The following POLQ variants were observed in gnomAD, a reference collection of about 807,000 sequenced individuals.
The protein encoded by POLQ is DNA polymerase theta.
In POLQ, 233 loss-of-function variants were observed where a neutral mutation model predicts 259.2. The observed-to-expected ratio is 0.90, with a 90% confidence interval of 0.81 to 1.00. POLQ has a LOEUF of 1.00. Ranked by LOEUF, POLQ falls within the 50% of genes least tolerant of loss-of-function variation. The pLI is 0.00. For synonymous variants in POLQ, 1,025 were observed against 1,048.8 expected, an observed-to-expected ratio of 0.98 and a Z score of 0.44; for missense variants, 2,871 against 3,051.6, an observed-to-expected ratio of 0.94 and a Z score of 1.39.
chr3:121,493,754 A>T, intron 14 of POLQ, 33 bp from the exon 15 acceptor site: 1 of 1,567,894 alleles, frequency 6.4e-7, no homozygotes, highest in Non-Finnish European at 8.7e-7. Context: ...GTTGAATTCA[A>T]TTTTTTTTAC....
chr3:121,544,975 A>T, intron 1 of POLQ, 69 bp from the exon 2 acceptor site: 2 of 951,812 alleles, frequency 2.1e-6, no homozygotes, highest in African/African-American at 1.7e-5. Flanking sequence ...TTAGCCCTTC[A>T]CCGTGTGTTG....
At chr3:121,485,379 T>C (rs568638410) in intron 16 of POLQ, among the ~76,000 whole-genome samples, 195 bp from the exon 17 acceptor site, 6 of 152,318 alleles carry the variant, frequency 3.9e-5, no homozygotes, top group Admixed American at 3.3e-4. Context: ...ACTGTCACTA[T>C]GAAAAAGCTA....
chr3:121,457,663 T>C (rs1288112946), intron 25 of POLQ, among the ~76,000 whole-genome samples: 2 of 152,150 alleles, frequency 1.3e-5, no homozygotes. Flanking sequence ...ATCAGAGAAA[T>C]GCAAATCAAA....
chr3:121,479,362 A>ATGTGTGTG (rs71133538), intron 19 of POLQ, among the ~76,000 whole-genome samples: 35,898 of 142,486 alleles, frequency 0.25, 5,204 homozygotes, highest in East Asian at 0.57. Flanking sequence ...AAAAAAAAAA[A>ATGTGTGTG]TGTGTGTGTG....
In POLQ at chr3:121,529,899, G is replaced by A. The variant is rs1177035488; in HGVS notation, c.961-107C>T. 2.7e-5 allele frequency: 20 copies of A among 739,474 alleles called. No homozygotes were observed. The African/African-American group carries it at 3.7e-4, about 14-fold the overall frequency. 45.8% of individuals were successfully genotyped at this position (739,474 alleles called of 1,614,324 possible). On this transcript the variant is annotated intron_variant, in intron 6 of 29. Transcript: ENST00000264233. ...CTGGGGAAGCTTTTTCTTCTTTAAG[G>A]CATAATGAAAATCAGTTACAAAGTC...
At chr3:121,526,457 TG>T (rs1450678722) in intron 7 of POLQ, among the ~76,000 whole-genome samples, 1 of 152,218 alleles carries the variant, frequency 6.6e-6, no homozygotes, top group Non-Finnish European at 1.5e-5. Flanking sequence ...CCTTAAATCC[TG>T]GTGCTTTCTT....
At chr3:121,503,792 G>A (rs776774257) in intron 12 of POLQ, among the ~76,000 whole-genome samples, 2 of 152,080 alleles carry the variant, frequency 1.3e-5, no homozygotes, top group East Asian at 1.9e-4. Context: ...TAAATACTAC[G>A]TAAATAGCTG....
intron 7 of POLQ, among the ~76,000 whole-genome samples, chr3:121,528,761 T>C (rs2048390018): frequency 1.3e-5 from 2 of 152,162 alleles, no homozygotes; most frequent in South Asian, 2.1e-4. Flanking sequence ...AAGACCATCT[T>C]GGCTAACATG....
At chr3:121,498,755 G>C in intron 12 of POLQ, 85 bp from the exon 13 acceptor site, 1 of 952,156 alleles carries the variant, frequency 1.1e-6, no homozygotes, top group Non-Finnish European at 1.6e-6. Flanking sequence ...AAAGACAAAA[G>C]CCAGGCATGA....
chr3:121,495,338 G>A (rs949296058), intron 14 of POLQ, among the ~76,000 whole-genome samples: 5 of 152,004 alleles, frequency 3.3e-5, no homozygotes, highest in African/African-American at 1.2e-4. Flanking sequence ...ATATTCAAGT[G>A]CTGAGAGAAC....
chr3:121,505,568 A>T (rs1344566626), intron 12 of POLQ, among the ~76,000 whole-genome samples: 2 of 152,220 alleles, frequency 1.3e-5, no homozygotes, highest in Non-Finnish European at 2.9e-5. Context: ...ATACAAATGG[A>T]AATACAGAAG....
At position 121,487,916 on chromosome 3, in the gene POLQ, T is replaced by A. The variant is rs766483336; in HGVS notation, c.5015A>T (p.Asn1672Ile). 6.2e-7 allele frequency: 1 copy of A among 1,605,818 alleles called. No homozygotes were observed. The highest frequency in any genetic ancestry group is 8.5e-7 in the Non-Finnish European group (1 of 1,176,894). The change falls in exon 16 of 30, where the codon AAT (asparagine) becomes ATT (isoleucine). Residue 1672 changes from asparagine (N) to isoleucine (I), a missense_variant. Physicochemically the swap from Asn to Ile is moderately radical, Grantham distance 149. Transcript: ENST00000264233. ...TTCTTGTTCTTCATTTAACTCTGTA[T>A]TTTTTCTATTCAAACTGGAAAAGTT... Reference protein sequence around the residue: ...TINFSSLNRKNTELNEEQEVI... With the variant: ...TINFSSLNRKITELNEEQEVI...
intron 12 of POLQ, among the ~76,000 whole-genome samples, chr3:121,501,661 CAAAAAAAAAA>C (rs60180456): frequency 5.8e-4 from 23 of 39,916 alleles, no homozygotes; most frequent in South Asian, 3.2e-3. Flanking sequence ...GACTCCGTCT[CAAAAAAAAAA>C]AAAAAAAAAA....
intron 26 of POLQ, 84 bp from the exon 27 acceptor site, chr3:121,440,200 C>A: frequency 1.0e-6 from 1 of 957,022 alleles, no homozygotes; most frequent in East Asian, 2.5e-5. Context: ...GCAAAATACA[C>A]CAAAACCCCA....
In POLQ at chr3:121,460,101, C is replaced by T; in HGVS notation, c.7101G>A (p.Lys2367=). Residue 2367 remains lysine (K), a synonymous_variant, in exon 25 of 30, where the codon AAG becomes AAA. Coordinates refer to ENST00000264233, the MANE Select transcript of POLQ (RefSeq NM_199420.4). ...DVFRSIAAEW[K]MIEPESVGDD... ...CCCCAACAGACTCTGGCTCAATCATCTTCCACTCTGCTGCAATGCTCCTGA... is the reference window on the plus strand; with the variant it reads ...CCCCAACAGACTCTGGCTCAATCATTTTCCACTCTGCTGCAATGCTCCTGA... 2 of 1,614,164 alleles carry T rather than the reference C, an allele frequency of 1.2e-6. No homozygotes were observed. The highest frequency in any genetic ancestry group is 1.7e-6 in the Non-Finnish European group (2 of 1,179,996).
At chr3:121,439,693 G>A (rs115812746) in intron 27 of POLQ, among the ~76,000 whole-genome samples, 4 of 152,332 alleles carry the variant, frequency 2.6e-5, no homozygotes, top group Non-Finnish European at 4.4e-5. Flanking sequence ...TAAAAATTAA[G>A]TTTATTTACA....
At chr3:121,531,004 A>G (rs2048407601) in intron 6 of POLQ, among the ~76,000 whole-genome samples, 2 of 152,150 alleles carry the variant, frequency 1.3e-5, no homozygotes, top group African/African-American at 4.8e-5. Context: ...CCTGACCAAC[A>G]TGGAGAAGCT....
At chr3:121,506,873 C>G (rs2048212775) in intron 12 of POLQ, among the ~76,000 whole-genome samples, 1 of 151,514 alleles carries the variant, frequency 6.6e-6, no homozygotes, top group Non-Finnish European at 1.5e-5. Context: ...CAATAGGGAA[C>G]TGATAGAATA....
At position 121,481,668 on chromosome 3, in the gene POLQ, C is replaced by A; in HGVS notation, c.6115G>T (p.Glu2039Ter). The change falls in exon 19 of 30, where the codon GAG becomes TAG. Residue 2039 changes from glutamate (E) to a stop codon, truncating the protein, a stop_gained. Coordinates refer to ENST00000264233, the MANE Select transcript of POLQ (RefSeq NM_199420.4). LOFTEE classifies it high-confidence loss of function. ...IQSLGLNAGS[E>*]HSGRYRASVE... ...GATGCTCTGTATCGCCCAGAATGCT[C>A]ACTGCCAGCATTTAGCCCCAGGCTT... 6.2e-7 allele frequency: 1 copy of A among 1,614,042 alleles called. No individual in the cohort carries two copies. Among genetic ancestry groups the A allele is most frequent in the East Asian group, 2.2e-5 (1 of 44,872 alleles).
Sources: gnomAD v4.1 joint callset for allele counts (sites outside exome capture counted in the v4.1 genomes callset) on GRCh38, gnomAD v4.1.1 for gene constraint, MANE v1.5 for transcripts, NCBI Gene and HGNC (gene_info 2026-07-23, HGNC 2026-07-21) for gene names.